The following ANKRD17 variants were observed in gnomAD, a reference collection of about 807,000 sequenced individuals.
ANKRD17 encodes the protein ankyrin repeat domain-containing protein 17.
A neutral mutation model predicts 229.7 loss-of-function variants in ANKRD17; 19 were observed. That is an observed-to-expected ratio of 0.08 (90% confidence interval 0.06 to 0.12). The LOEUF (loss-of-function observed/expected upper bound fraction) is 0.12. Ranked by LOEUF, ANKRD17 falls within the 10% of genes least tolerant of loss-of-function variation. The pLI is 1.00. For missense variants in ANKRD17, 2,176 were observed against 3,176.8 expected (o/e 0.68, Z 7.57); for synonymous variants, 1,112 against 1,146.1 (o/e 0.97, Z 0.60).
intron 1 of ANKRD17, among the ~76,000 whole-genome samples, chr4:73,185,700 AG>A (rs755906710): frequency 1.3e-5 from 2 of 152,102 alleles, no homozygotes; most frequent in Non-Finnish European, 2.9e-5. Context: ...AAAAAATAAA[AG>A]TTCATTAGAA....
intron 1 of ANKRD17, among the ~76,000 whole-genome samples, chr4:73,179,507 TA>T (rs1735218896): frequency 9.5e-5 from 8 of 83,854 alleles, no homozygotes; most frequent in African/African-American, 3.4e-4. Flanking sequence ...TATATATATA[TA>T]TATATATATA....
At chr4:73,085,638 C>T (rs899617793) in intron 29 of ANKRD17, among the ~76,000 whole-genome samples, 192 bp from the exon 30 acceptor site, 1 of 148,692 alleles carries the variant, frequency 6.7e-6, no homozygotes, top group South Asian at 2.1e-4. Flanking sequence ...TGCTTATGGC[C>T]AGGCATTCAA....
In ANKRD17 at chr4:73,161,359, AT is replaced by A; in HGVS notation, c.548-12del. ...ACAATTTTCCTATTCCTATTATATT[AT>A]TTTCACACCAATATGGACACACCCA... On this transcript the variant is annotated splice_polypyrimidine_tract_variant and intron_variant, in intron 2 of 33. Coordinates refer to ENST00000358602, the MANE Select transcript of ANKRD17 (RefSeq NM_032217.5). The A allele has an allele frequency of 6.2e-7, 1 of 1,613,638 alleles. No homozygotes were observed. The highest frequency in any genetic ancestry group is 8.5e-7 in the Non-Finnish European group (1 of 1,179,766).
chr4:73,227,675 T>A (rs553928367), intron 1 of ANKRD17, among the ~76,000 whole-genome samples: 1 of 151,984 alleles, frequency 6.6e-6, no homozygotes, highest in South Asian at 2.1e-4. Context: ...GAGTGAAACC[T>A]CTCATAAAAA....
At chr4:73,086,921 T>TATATATATATAA (rs1358138382) in intron 29 of ANKRD17, among the ~76,000 whole-genome samples, 2 of 24,202 alleles carry the variant, frequency 8.3e-5, no homozygotes, top group East Asian at 2.8e-3. Context: ...AAAAAAAAAA[T>TATATATATATAA]ATATATATAT....
chr4:73,231,876 T>C (rs1340050959), intron 1 of ANKRD17, among the ~76,000 whole-genome samples: 1 of 152,166 alleles, frequency 6.6e-6, no homozygotes, highest in African/African-American at 2.4e-5. Flanking sequence ...TAAACGCCTA[T>C]AAGGACAGGG....
chr4:73,113,024 G>GT (rs1402128893), intron 24 of ANKRD17: 1 of 985,818 alleles, frequency 1.0e-6, no homozygotes, highest in Admixed American at 4.4e-5. Flanking sequence ...CTGACCTCAG[G>GT]TGATGTGCCC....
intron 1 of ANKRD17, among the ~76,000 whole-genome samples, chr4:73,250,661 A>T (rs1744933456): frequency 6.7e-6 from 1 of 148,508 alleles, no homozygotes; most frequent in African/African-American, 2.5e-5. Flanking sequence ...TGGCTCCAAT[A>T]GGAATTCCTC....
chr4:73,084,046 TTC>T (rs1472119971), intron 30 of ANKRD17, among the ~76,000 whole-genome samples: 1 of 152,132 alleles, frequency 6.6e-6, no homozygotes, highest in Non-Finnish European at 1.5e-5. Context: ...TACTACAGAA[TTC>T]TCTTAGTTGA....
At chr4:73,202,755 T>C (rs1436468072) in intron 1 of ANKRD17, among the ~76,000 whole-genome samples, 1 of 152,086 alleles carries the variant, frequency 6.6e-6, no homozygotes, top group Non-Finnish European at 1.5e-5. Flanking sequence ...CATTCAACAA[T>C]ATAATATCAC....
chr4:73,200,425 T>G (rs1029970310), intron 1 of ANKRD17, among the ~76,000 whole-genome samples: 1 of 152,250 alleles, frequency 6.6e-6, no homozygotes, highest in South Asian at 2.1e-4. Context: ...AGTAAGATCC[T>G]GTCTCTTTAA....
At chr4:73,258,213 C>G in intron 1 of ANKRD17, 63 bp downstream of exon 1, 1 of 1,607,506 alleles carries the variant, frequency 6.2e-7, no homozygotes, top group Non-Finnish European at 8.5e-7. Context: ...AATCCCCTCC[C>G]ACCTTCGGCC....
intron 29 of ANKRD17, among the ~76,000 whole-genome samples, chr4:73,086,919 A>AAAAAAAATATATATAT (rs1553911000): frequency 8.0e-5 from 1 of 12,462 alleles, no homozygotes; most frequent in Non-Finnish European, 1.8e-4. Flanking sequence ...AAAAAAAAAA[A>AAAAAAAATATATATAT]ATATATATAT....
intron 16 of ANKRD17, 113 bp from the exon 17 acceptor site, chr4:73,125,425 T>C: frequency 2.5e-6 from 2 of 804,190 alleles, no homozygotes; most frequent in Non-Finnish European, 3.9e-6. Context: ...CACTCTACAA[T>C]ATCAAGCATT....
chr4:73,178,288 C>T (rs562717026), intron 1 of ANKRD17, among the ~76,000 whole-genome samples: 1 of 152,236 alleles, frequency 6.6e-6, no homozygotes, highest in Non-Finnish European at 1.5e-5. Context: ...ATTCACCTCA[C>T]ATCTAAAAAA....
At chr4:73,217,427 TC>T (rs1215204584) in intron 1 of ANKRD17, among the ~76,000 whole-genome samples, 1 of 152,150 alleles carries the variant, frequency 6.6e-6, no homozygotes, top group Non-Finnish European at 1.5e-5. Flanking sequence ...AAATTGGACT[TC>T]CAAATAAGAG....
intron 16 of ANKRD17, among the ~76,000 whole-genome samples, chr4:73,126,438 C>G (rs1727479441): frequency 6.6e-6 from 1 of 151,860 alleles, no homozygotes; most frequent in African/African-American, 2.4e-5. Context: ...GTGGACCCAC[C>G]TAACAAACTG....
At chr4:73,130,722 CAT>C (rs1226513805) in intron 16 of ANKRD17, among the ~76,000 whole-genome samples, 1 of 151,182 alleles carries the variant, frequency 6.6e-6, no homozygotes, top group African/African-American at 2.4e-5. Context: ...ATAGGGAGGA[CAT>C]GTGACAAAAA....
chr4:73,234,886 T>G (rs886285913), intron 1 of ANKRD17, among the ~76,000 whole-genome samples: 4 of 152,140 alleles, frequency 2.6e-5, no homozygotes, highest in African/African-American at 9.7e-5. Context: ...AGAAAATTCT[T>G]AAGTATTACC....
Sources: gnomAD v4.1 joint callset for allele counts (sites outside exome capture counted in the v4.1 genomes callset) on GRCh38, gnomAD v4.1.1 for gene constraint, MANE v1.5 for transcripts, NCBI Gene and HGNC (gene_info 2026-07-23, HGNC 2026-07-21) for gene names.